The following CAP2 variants were observed in gnomAD, a reference collection of about 807,000 sequenced individuals.
CAP2 encodes adenylyl cyclase-associated protein 2.
Under a neutral mutation model 57.7 loss-of-function variants are expected in CAP2, and 24 were observed. That is an observed-to-expected ratio of 0.42 (90% CI 0.30 to 0.58). The LOEUF (loss-of-function observed/expected upper bound fraction) is 0.58, where lower values mean the gene tolerates loss of function less well. Ranked by LOEUF, CAP2 falls within the 20% of genes least tolerant of loss-of-function variation. The pLI is 0.22. For synonymous variants in CAP2, 194 were observed against 207.2 expected, an observed-to-expected ratio of 0.94 and a Z score of 0.55; for missense variants, 501 against 590.3, an observed-to-expected ratio of 0.85 and a Z score of 1.57.
chr6:17,470,829 C>T (rs1379870456), intron 4 of CAP2, among the ~76,000 whole-genome samples: 3 of 152,166 alleles, frequency 2.0e-5, no homozygotes, highest in Non-Finnish European at 4.4e-5. Flanking sequence ...TATTGTCTTT[C>T]CAAAAACTCA....
At chr6:17,406,863 CA>C (rs939164188) in intron 1 of CAP2, among the ~76,000 whole-genome samples, 65 of 152,138 alleles carry the variant, frequency 4.3e-4, no homozygotes, top group African/African-American at 1.5e-3. Context: ...TTCCTCTGGC[CA>C]AAAAGAGGAG....
intron 4 of CAP2, among the ~76,000 whole-genome samples, chr6:17,486,217 ACT>A (rs1489414888): frequency 5.9e-5 from 9 of 152,014 alleles, no homozygotes; most frequent in Non-Finnish European, 1.2e-4. Context: ...AGATAGAAAA[ACT>A]CTGCAAAATC....
chr6:17,529,175 CT>C (rs986592281), intron 7 of CAP2, among the ~76,000 whole-genome samples: 1 of 152,130 alleles, frequency 6.6e-6, no homozygotes, highest in African/African-American at 2.4e-5. Context: ...TTATGTGCAC[CT>C]TTTTACTTGA....
chr6:17,542,782 G>C (rs1428804977), intron 9 of CAP2, 55 bp from the exon 10 acceptor site: 2 of 1,413,682 alleles, frequency 1.4e-6, no homozygotes, highest in African/African-American at 1.4e-5. Flanking sequence ...TCAGTGTGCA[G>C]TGGTTTCTGT....
At chr6:17,551,649 C>G in intron 12 of CAP2, 45 bp downstream of exon 12, 1 of 1,431,478 alleles carries the variant, frequency 7.0e-7, no homozygotes, top group Non-Finnish European at 9.6e-7. Flanking sequence ...CTGGAGCCTT[C>G]ATTATTAACA....
At chr6:17,537,299 A>G (rs1762797006) in intron 7 of CAP2, among the ~76,000 whole-genome samples, 1 of 151,908 alleles carries the variant, frequency 6.6e-6, no homozygotes, top group Non-Finnish European at 1.5e-5. Flanking sequence ...TGATCCTCCC[A>G]CCTCAGCCTC....
intron 7 of CAP2, 51 bp downstream of exon 7, chr6:17,514,005 A>G: frequency 9.3e-7 from 1 of 1,078,012 alleles, no homozygotes; most frequent in Non-Finnish European, 1.4e-6. Flanking sequence ...ATGACTATAT[A>G]TACACCCTGT....
intron 4 of CAP2, among the ~76,000 whole-genome samples, chr6:17,487,229 C>T (rs983851287): frequency 6.6e-5 from 10 of 152,186 alleles, no homozygotes; most frequent in East Asian, 1.9e-4. Flanking sequence ...TTGCTGTGGA[C>T]GTCCCCAGTC....
At chr6:17,410,649 C>T (rs942352050) in intron 1 of CAP2, among the ~76,000 whole-genome samples, 1 of 151,790 alleles carries the variant, frequency 6.6e-6, no homozygotes, top group African/African-American at 2.4e-5. Context: ...GGTCTGCCTT[C>T]CAGGTTCACG....
chr6:17,397,556 G>A (rs934687703), intron 1 of CAP2, among the ~76,000 whole-genome samples: 2 of 151,892 alleles, frequency 1.3e-5, no homozygotes, highest in Non-Finnish European at 2.9e-5. Context: ...TTAGCCGGGC[G>A]TGGTGGCGGG....
chr6:17,481,534 C>T (rs533364949), intron 4 of CAP2, among the ~76,000 whole-genome samples: 1 of 152,216 alleles, frequency 6.6e-6, no homozygotes, highest in African/African-American at 2.4e-5. Context: ...CTGATAGTTC[C>T]AAGAATTTAC....
At chr6:17,454,965 G>A (rs1251837702) in intron 3 of CAP2, among the ~76,000 whole-genome samples, 1 of 152,086 alleles carries the variant, frequency 6.6e-6, no homozygotes, top group Non-Finnish European at 1.5e-5. Flanking sequence ...GAGCCCCTTC[G>A]GATGGTATGA....
At chr6:17,477,695 A>G (rs1330087755) in intron 4 of CAP2, among the ~76,000 whole-genome samples, 2 of 152,148 alleles carry the variant, frequency 1.3e-5, no homozygotes, top group Non-Finnish European at 2.9e-5. Context: ...CCCCATAATT[A>G]TGTCCTGACC....
chr6:17,421,698 A>C, intron 2 of CAP2, 22 bp downstream of exon 2: 6 of 1,613,648 alleles, frequency 3.7e-6, no homozygotes, highest in Non-Finnish European at 5.1e-6. Flanking sequence ...AACTGTTGTC[A>C]TTCCTGGTCT....
At chr6:17,537,500 A>ATGTTT (rs141851337) in intron 7 of CAP2, among the ~76,000 whole-genome samples, 13,880 of 151,964 alleles carry the variant, frequency 0.091, 755 homozygotes, top group South Asian at 0.15. Context: ...CCGAGCCAGC[A>ATGTTT]TGTTTTGTTT....
At chr6:17,491,990 A>G (rs745858358) in intron 4 of CAP2, among the ~76,000 whole-genome samples, 2 of 152,198 alleles carry the variant, frequency 1.3e-5, no homozygotes, top group East Asian at 3.8e-4. Context: ...CCCATTGTCT[A>G]TCCAGTTCAG....
chr6:17,461,102 T>C (rs1022223139), intron 3 of CAP2, among the ~76,000 whole-genome samples: 14 of 152,054 alleles, frequency 9.2e-5, no homozygotes, highest in South Asian at 2.1e-4. Flanking sequence ...TGAACCAAGA[T>C]TGCACCACTG....
chr6:17,544,053 A>G (rs1397917723), intron 11 of CAP2, among the ~76,000 whole-genome samples: 2 of 145,486 alleles, frequency 1.4e-5, no homozygotes, highest in East Asian at 4.4e-4. Flanking sequence ...TGAACCTGGG[A>G]GGCAGAGGTT....
At chr6:17,518,213 C>T (rs1202133939) in intron 7 of CAP2, among the ~76,000 whole-genome samples, 4 of 152,112 alleles carry the variant, frequency 2.6e-5, no homozygotes, top group Admixed American at 1.3e-4. Flanking sequence ...TTATCTTATT[C>T]TTCCAAGGTT....
Sources: gnomAD v4.1 joint callset for allele counts (sites outside exome capture counted in the v4.1 genomes callset) on GRCh38, gnomAD v4.1.1 for gene constraint, MANE v1.5 for transcripts, NCBI Gene and HGNC (gene_info 2026-07-23, HGNC 2026-07-21) for gene names.